GALNT13: variants seen among roughly 807,000 people sequenced by gnomAD.
The protein encoded by GALNT13 is polypeptide N-acetylgalactosaminyltransferase 13.
Under a neutral mutation model 64.2 loss-of-function variants are expected in GALNT13, and 28 were observed. That is an observed-to-expected ratio of 0.44 (90% CI 0.32 to 0.60). The LOEUF (loss-of-function observed/expected upper bound fraction) is 0.60, where lower values mean the gene tolerates loss of function less well. Ranked by LOEUF, GALNT13 falls within the 20% of genes least tolerant of loss-of-function variation. GALNT13 has a pLI of 0.05. For synonymous variants in GALNT13, 214 were observed against 224.6 expected, an observed-to-expected ratio of 0.95 and a Z score of 0.42; for missense variants, 577 against 669.8, an observed-to-expected ratio of 0.86 and a Z score of 1.53.
At chr2:153,102,121 G>A in the GALNT13 span, among the ~76,000 whole-genome samples, 3 of 151,870 alleles carry the variant, frequency 2.0e-5, no homozygotes, top group South Asian at 4.1e-4. Flanking sequence ...CTCTGTCAGG[G>A]TGTCCTGTGT....
chr2:153,103,565 C>A, the GALNT13 span, among the ~76,000 whole-genome samples: 1 of 152,210 alleles, frequency 6.6e-6, no homozygotes, highest in African/African-American at 2.4e-5. Context: ...GTAGATTTGG[C>A]CTTTCAGGCC....
intron 1 of GALNT13, among the ~76,000 whole-genome samples, chr2:153,896,015 A>G (rs1687862066): frequency 9.2e-6 from 1 of 109,166 alleles, no homozygotes; most frequent in Admixed American, 8.8e-5. Context: ...GTATGATATA[A>G]TTATTTAAAT....
At chr2:154,049,721 A>T (rs1025997943) in intron 3 of GALNT13, among the ~76,000 whole-genome samples, 1 of 151,784 alleles carries the variant, frequency 6.6e-6, no homozygotes, top group Admixed American at 6.6e-5. Context: ...CATGCTAAGG[A>T]CAGGTTTTCT....
chr2:153,705,705 C>G, the GALNT13 span, among the ~76,000 whole-genome samples: 2 of 152,184 alleles, frequency 1.3e-5, no homozygotes, highest in Non-Finnish European at 2.9e-5. Flanking sequence ...CCTGGCACTT[C>G]TGCTAACATT....
the GALNT13 span, among the ~76,000 whole-genome samples, chr2:153,444,481 T>C: frequency 6.6e-6 from 1 of 152,210 alleles, no homozygotes; most frequent in Admixed American, 6.5e-5. Context: ...CAGAAAAGCA[T>C]TATCTTTGCT....
At chr2:154,302,537 AG>A (rs2105099327) in intron 9 of GALNT13, among the ~76,000 whole-genome samples, 1 of 152,356 alleles carries the variant, frequency 6.6e-6, no homozygotes, top group Non-Finnish European at 1.5e-5. Flanking sequence ...GTCAATGAAA[AG>A]AGTCAAACTC....
At chr2:153,306,827 T>A in the GALNT13 span, among the ~76,000 whole-genome samples, 1 of 152,136 alleles carries the variant, frequency 6.6e-6, no homozygotes, top group Non-Finnish European at 1.5e-5. Flanking sequence ...GATCTCTGCT[T>A]CCTGGTTCAA....
chr2:153,203,512 A>G, the GALNT13 span, among the ~76,000 whole-genome samples: 4 of 152,172 alleles, frequency 2.6e-5, no homozygotes, highest in Non-Finnish European at 5.9e-5. Flanking sequence ...TCCTCTTCTT[A>G]TATTAATTTT....
the GALNT13 span, among the ~76,000 whole-genome samples, chr2:153,632,506 C>T: frequency 2.3e-4 from 35 of 152,118 alleles, no homozygotes; most frequent in Middle Eastern, 3.2e-3. Flanking sequence ...ATCCCCTGTG[C>T]TCCACCTGTT....
chr2:153,503,161 T>A, the GALNT13 span, among the ~76,000 whole-genome samples: 7 of 152,230 alleles, frequency 4.6e-5, no homozygotes, highest in African/African-American at 1.2e-4. Context: ...CCTAACCCAA[T>A]GTCTAAAATG....
At chr2:153,743,774 T>G in the GALNT13 span, among the ~76,000 whole-genome samples, 1 of 152,128 alleles carries the variant, frequency 6.6e-6, no homozygotes, top group East Asian at 1.9e-4. Context: ...TCTTAGTCAT[T>G]CTTTCTATTT....
chr2:154,005,225 T>A lies in GALNT13; in HGVS notation c.142+60586T>A, dbSNP rs188285671. On this transcript the variant is annotated intron_variant, in intron 3 of 12. Coordinates refer to ENST00000392825, the MANE Select transcript of GALNT13 (RefSeq NM_052917.4). ...GGTGAAATTGCTGTTATATTGGTAT[T>A]GATATACAAGCAATAATTACCTTAC... Among the ~76,000 whole-genome samples, 28 of 152,322 alleles carry A rather than the reference T, an allele frequency of 1.8e-4. 1 individual carries two copies. In the East Asian group the frequency reaches 4.8e-3, roughly 26 times the overall value.
At chr2:153,714,844 A>T in the GALNT13 span, among the ~76,000 whole-genome samples, 10 of 152,350 alleles carry the variant, frequency 6.6e-5, no homozygotes, top group East Asian at 1.7e-3. Context: ...ATACTACTTC[A>T]TACTTAGCCC....
intron 1 of GALNT13, among the ~76,000 whole-genome samples, chr2:153,884,258 AC>A (rs1686980477): frequency 6.6e-6 from 1 of 151,468 alleles, no homozygotes; most frequent in African/African-American, 2.4e-5. Flanking sequence ...GCTTGGTCAA[AC>A]TTGCTTTAAT....
At chr2:154,163,924 A>C (rs1684879722) in intron 4 of GALNT13, among the ~76,000 whole-genome samples, 1 of 152,182 alleles carries the variant, frequency 6.6e-6, no homozygotes, top group South Asian at 2.1e-4. Flanking sequence ...TTTATAAAAT[A>C]ATAGTATTGA....
the GALNT13 span, among the ~76,000 whole-genome samples, chr2:153,138,172 A>T: frequency 6.6e-6 from 1 of 152,094 alleles, no homozygotes; most frequent in Non-Finnish European, 1.5e-5. Context: ...AGAGGGGAGG[A>T]GCTGGAATTC....
At chr2:153,649,050 C>T in the GALNT13 span, among the ~76,000 whole-genome samples, 1 of 152,136 alleles carries the variant, frequency 6.6e-6, no homozygotes, top group African/African-American at 2.4e-5. Context: ...GTACCAGGTC[C>T]ACCTTGTACC....
chr2:153,336,488 GC>G, the GALNT13 span, among the ~76,000 whole-genome samples: 1 of 152,210 alleles, frequency 6.6e-6, no homozygotes, highest in African/African-American at 2.4e-5. Flanking sequence ...AAATTTGACT[GC>G]CCCCTTGGAT....
intron 3 of GALNT13, among the ~76,000 whole-genome samples, chr2:153,971,861 T>C (rs1336074896): frequency 6.6e-6 from 1 of 152,110 alleles, no homozygotes; most frequent in Non-Finnish European, 1.5e-5. Context: ...GAATGTAACA[T>C]TATTTGGAAA....
Sources: allele counts gnomAD v4.1 joint callset (sites outside exome capture counted in the v4.1 genomes callset), GRCh38; gene constraint gnomAD v4.1.1; transcripts MANE v1.5; gene names NCBI Gene and HGNC (gene_info 2026-07-23, HGNC 2026-07-21).